Variants in XKR4 observed in about 807,000 individuals in gnomAD.
XKR4 encodes the protein XK related 4, also known as XK-related protein 4.
XKR4 carries 12 observed loss-of-function variants against 53.9 expected under a neutral mutation model. The ratio of observed to expected loss-of-function variants is 0.22; its 90% CI spans 0.14 to 0.36. XKR4 has a LOEUF of 0.36. XKR4 is among the 10% of genes least tolerant of loss of function. The probability of loss-of-function intolerance (pLI) is 1.00; values close to 1 mark genes in which losing one functional copy is unlikely to be tolerated. For synonymous variants in XKR4, 354 were observed against 362.4 expected (o/e 0.98, Z 0.26); for missense variants, 799 against 859.5 (o/e 0.93, Z 0.88).
intron 2 of XKR4, among the ~76,000 whole-genome samples, chr8:55,396,711 G>A (rs1422400195): frequency 2.6e-5 from 4 of 152,146 alleles, no homozygotes; most frequent in South Asian, 2.1e-4. Flanking sequence ...AAGGAGAATG[G>A]ATTCTGAATG....
In XKR4 at chr8:55,530,755, A is replaced by G. The variant is rs957983312; in HGVS notation, c.*6528A>G. On this transcript the variant is annotated 3_prime_UTR_variant, in exon 3 of 3. Coordinates refer to ENST00000327381, the MANE Select transcript of XKR4 (RefSeq NM_052898.2). Reference sequence around the variant, plus strand: ...GTCACTGATTTTTATAGGAAATAGCATGTAAAATAAATCTAAGTATTGCTT... The same window carrying G: ...GTCACTGATTTTTATAGGAAATAGCGTGTAAAATAAATCTAAGTATTGCTT... 1.3e-5 allele frequency: 2 copies of G among 152,244 alleles called. No homozygotes were observed. Among genetic ancestry groups the G allele is most frequent in the Admixed American group, 6.5e-5 (1 of 15,282 alleles). The allele number at this position is 152,244 out of a possible 1,614,324, so 9.4% of individuals were successfully genotyped here.
chr8:55,257,712 C>T (rs1336418320), intron 1 of XKR4, among the ~76,000 whole-genome samples: 1 of 152,126 alleles, frequency 6.6e-6, no homozygotes, highest in South Asian at 2.1e-4. Context: ...TTATGTGACA[C>T]TTTATTAATA....
chr8:55,471,030 C>A (rs991409692), intron 2 of XKR4, among the ~76,000 whole-genome samples: 1 of 152,066 alleles, frequency 6.6e-6, no homozygotes, highest in Non-Finnish European at 1.5e-5. Flanking sequence ...AAAGGTCTGG[C>A]AACAATATAG....
chr8:55,237,988 A>C (rs1218682130), intron 1 of XKR4, among the ~76,000 whole-genome samples: 1 of 152,170 alleles, frequency 6.6e-6, no homozygotes, highest in Non-Finnish European at 1.5e-5. Flanking sequence ...GAAGGAAGGA[A>C]GGAAAAAAAG....
At chr8:55,452,397 A>C in intron 2 of XKR4, 1 of 627,770 alleles carries the variant, frequency 1.6e-6, no homozygotes, top group South Asian at 1.7e-5. Flanking sequence ...CGTAGTGAGG[A>C]AGAGGGCGCC....
intron 1 of XKR4, among the ~76,000 whole-genome samples, chr8:55,251,070 T>C (rs1818355156): frequency 6.6e-6 from 1 of 152,312 alleles, no homozygotes; most frequent in South Asian, 2.1e-4. Context: ...TATAGATATA[T>C]GTGTGGTATA....
chr8:55,395,333 G>A (rs1804501935), intron 2 of XKR4, among the ~76,000 whole-genome samples: 1 of 151,968 alleles, frequency 6.6e-6, no homozygotes, highest in Non-Finnish European at 1.5e-5. Flanking sequence ...GGAGAAAGCA[G>A]CACATGAATG....
chr8:55,149,940 G>C (rs1816819486), intron 1 of XKR4, among the ~76,000 whole-genome samples: 1 of 152,140 alleles, frequency 6.6e-6, no homozygotes, highest in African/African-American at 2.4e-5. Context: ...ATATTGGAAA[G>C]GCTTGCCTTC....
chr8:55,219,009 G>T (rs1817840861), intron 1 of XKR4, among the ~76,000 whole-genome samples: 1 of 86,544 alleles, frequency 1.2e-5, no homozygotes. Context: ...TCTAGAAGCA[G>T]TCTTTTTTTT....
chr8:55,421,006 G>T (rs1239248273), intron 2 of XKR4, among the ~76,000 whole-genome samples: 2 of 152,144 alleles, frequency 1.3e-5, no homozygotes, highest in Non-Finnish European at 2.9e-5. Context: ...CCTAGCAAGT[G>T]CTATGCTACT....
At chr8:55,257,263 G>A (rs78329039) in intron 1 of XKR4, among the ~76,000 whole-genome samples, 2,288 of 152,190 alleles carry the variant, frequency 0.015, 62 homozygotes, top group African/African-American at 0.051. Flanking sequence ...GTCAACTCAC[G>A]AAGTCTGAAA....
intron 1 of XKR4, among the ~76,000 whole-genome samples, chr8:55,301,181 T>TGATG: frequency 1.6e-5 from 2 of 125,094 alleles, no homozygotes; most frequent in African/African-American, 3.0e-5. Context: ...GAGTGTGATG[T>TGATG]TCCCCTTCCT....
intron 2 of XKR4, among the ~76,000 whole-genome samples, chr8:55,488,190 A>T (rs942689567): frequency 2.6e-5 from 4 of 152,204 alleles, no homozygotes; most frequent in African/African-American, 9.6e-5. Context: ...GAATGGCAGA[A>T]ATCCAAAATA....
At chr8:55,179,049 C>G (rs1817273800) in intron 1 of XKR4, among the ~76,000 whole-genome samples, 3 of 152,062 alleles carry the variant, frequency 2.0e-5, no homozygotes. Flanking sequence ...AAAAATTAGA[C>G]AAGAGGAAGA....
chr8:55,330,958 A>T (rs1485684016), intron 1 of XKR4, among the ~76,000 whole-genome samples: 1 of 152,164 alleles, frequency 6.6e-6, no homozygotes. Context: ...GTATATATAC[A>T]TAATATAAAA....
Position 55,357,698 on chromosome 8 carries a change from T to C in XKR4, c.827T>C (p.Leu276Ser), listed in dbSNP as rs776928130. The C allele has an allele frequency of 6.2e-7, 1 of 1,614,170 alleles. No individual in the cohort carries two copies. The highest frequency in any genetic ancestry group is 1.7e-5 in the Admixed American group (1 of 60,016). ...TCTAGATATTTCCACACAATATACT[T>C]AGGTATTCGAAGCCGACAGAGTGGG... ...QIWRYFHTIY[L>S]GIRSRQSGEN... Residue 276 changes from leucine (L) to serine (S), a missense_variant, in exon 2 of 3, where the codon TTA becomes TCA. Leu to Ser is a moderately radical substitution (Grantham distance 145). Transcript: ENST00000327381.
rs1804713803 is a variant in XKR4, at chr8:55,408,080, G to A, written c.1006+50203G>A. On this transcript the variant is annotated intron_variant, in intron 2 of 2. Coordinates refer to ENST00000327381, the MANE Select transcript of XKR4 (RefSeq NM_052898.2). ...ACATCCCAGTGCTGTTCCAATGCCTGCCCACAAATGTATGTGTCCCTGCAG... is the reference window on the plus strand; with the variant it reads ...ACATCCCAGTGCTGTTCCAATGCCTACCCACAAATGTATGTGTCCCTGCAG... Among the ~76,000 whole-genome samples the A allele has an allele frequency of 2.0e-5, 3 of 152,160 alleles. No homozygotes were observed. In the South Asian group the frequency reaches 6.2e-4, roughly 32 times the overall value.
At chr8:55,141,486 G>A (rs1816700826) in intron 1 of XKR4, among the ~76,000 whole-genome samples, 3 of 152,208 alleles carry the variant, frequency 2.0e-5, no homozygotes, top group Non-Finnish European at 2.9e-5. Context: ...GGTCACACGA[G>A]TCAGAAACCT....
chr8:55,234,375 T>C (rs1818090895), intron 1 of XKR4, among the ~76,000 whole-genome samples: 1 of 152,234 alleles, frequency 6.6e-6, no homozygotes, highest in South Asian at 2.1e-4. Flanking sequence ...AAAATAAACT[T>C]GAATTTTGAA....
Sources: gnomAD v4.1 joint callset for allele counts (sites outside exome capture counted in the v4.1 genomes callset) on GRCh38, gnomAD v4.1.1 for gene constraint, MANE v1.5 for transcripts, NCBI Gene and HGNC (gene_info 2026-07-23, HGNC 2026-07-21) for gene names.